Variants in STIM1 observed in about 807,000 individuals in gnomAD.
STIM1 encodes the protein stromal interaction molecule 1.
STIM1 carries 25 observed loss-of-function variants against 74.7 expected under a neutral mutation model. The observed-to-expected ratio is 0.33, with a 90% CI of 0.24 to 0.47. STIM1 has a LOEUF of 0.47. Among genes scored for constraint, STIM1 ranks in the 20% least tolerant of loss-of-function variants. STIM1 has a pLI of 1.00. For missense variants in STIM1, 728 were observed against 920.8 expected (o/e 0.79, Z 2.71); for synonymous variants, 328 against 348.8 (o/e 0.94, Z 0.66).
At chr11:4,005,332 C>G (rs574841186) in intron 2 of STIM1, among the ~76,000 whole-genome samples, 2 of 152,202 alleles carry the variant, frequency 1.3e-5, no homozygotes, top group East Asian at 3.9e-4. Context: ...TGGAACCAAC[C>G]CAAATGTCCA....
chr11:3,903,590 A>T (rs769525162), intron 1 of STIM1: 2 of 152,252 alleles, frequency 1.3e-5, no homozygotes, highest in Admixed American at 1.3e-4. Flanking sequence ...TGTACCAGGC[A>T]TAGGGGCCCC....
intron 1 of STIM1, among the ~76,000 whole-genome samples, chr11:3,950,993 A>G (rs2135665601): frequency 6.6e-6 from 1 of 152,298 alleles, no homozygotes; most frequent in Middle Eastern, 3.4e-3. Context: ...AGAAACTAGA[A>G]CAGAGACAGG....
intron 4 of STIM1, among the ~76,000 whole-genome samples, chr11:4,058,558 C>T (rs1248378126): frequency 1.3e-5 from 2 of 152,138 alleles, no homozygotes; most frequent in Admixed American, 1.3e-4. Flanking sequence ...CTTTTACCCC[C>T]CTCCTCTTAT....
At chr11:3,877,826 T>C (rs1489554206) in intron 1 of STIM1, among the ~76,000 whole-genome samples, 1 of 152,200 alleles carries the variant, frequency 6.6e-6, no homozygotes, top group African/African-American at 2.4e-5. Flanking sequence ...GCCCAGGACC[T>C]CTCCTTTTAT....
At chr11:3,944,790 A>G (rs910338894) in intron 1 of STIM1, among the ~76,000 whole-genome samples, 7 of 152,182 alleles carry the variant, frequency 4.6e-5, no homozygotes, top group Non-Finnish European at 1.0e-4. Context: ...ATGGTACCCT[A>G]ATCAGAGCAG....
At chr11:3,967,766 G>C (rs1236480361) in intron 2 of STIM1, 84 bp downstream of exon 2, 1 of 1,588,524 alleles carries the variant, frequency 6.3e-7, no homozygotes, top group Non-Finnish European at 8.6e-7. Flanking sequence ...CTCTTCCCTG[G>C]GGAGAGATGT....
intron 3 of STIM1, among the ~76,000 whole-genome samples, chr11:4,047,961 G>A (rs958412213): frequency 2.0e-5 from 3 of 152,136 alleles, no homozygotes; most frequent in African/African-American, 7.2e-5. Context: ...TGGAACTGAA[G>A]GTGCGTGCCA....
intron 1 of STIM1, among the ~76,000 whole-genome samples, chr11:3,864,944 C>T (rs1374651801): frequency 1.3e-5 from 2 of 151,990 alleles, no homozygotes; most frequent in African/African-American, 4.8e-5. Flanking sequence ...TTTTCCTTCT[C>T]CCCGGACTCC....
intron 2 of STIM1, among the ~76,000 whole-genome samples, chr11:3,980,618 A>C (rs1166005316): frequency 9.9e-5 from 15 of 151,974 alleles, no homozygotes; most frequent in Admixed American, 7.2e-4. Context: ...TTTAAAAAAA[A>C]AAAAAAAAAA....
chr11:3,988,001 G>A (rs1565137969), intron 2 of STIM1, among the ~76,000 whole-genome samples: 2 of 152,242 alleles, frequency 1.3e-5, no homozygotes, highest in Admixed American at 6.5e-5. Context: ...CTGCCCAAAG[G>A]TGAGTGTCAT....
intron 2 of STIM1, among the ~76,000 whole-genome samples, chr11:4,013,908 C>T (rs1465272229): frequency 2.0e-5 from 3 of 151,594 alleles, no homozygotes; most frequent in Non-Finnish European, 4.4e-5. Flanking sequence ...AGGGTTTCAC[C>T]GTGTTAGCCA....
intron 1 of STIM1, among the ~76,000 whole-genome samples, chr11:3,861,076 T>C (rs2090578662): frequency 6.6e-6 from 1 of 152,046 alleles, no homozygotes. Flanking sequence ...GTAGTCTGAC[T>C]TGGGGAGGTT....
intron 1 of STIM1, among the ~76,000 whole-genome samples, chr11:3,895,690 CTTT>C (rs1565104996): frequency 3.3e-5 from 1 of 29,886 alleles, no homozygotes; most frequent in African/African-American, 2.0e-4. Flanking sequence ...TTCCTTCTTT[CTTT>C]CTTTCTTTCT....
chr11:3,984,521 T>C (rs1295648884), intron 2 of STIM1, among the ~76,000 whole-genome samples: 5 of 152,210 alleles, frequency 3.3e-5, no homozygotes, highest in African/African-American at 7.2e-5. Flanking sequence ...TAAGTACTTA[T>C]AGGGTGGCTG....
intron 1 of STIM1, among the ~76,000 whole-genome samples, chr11:3,903,140 G>GT (rs1234691288): frequency 6.6e-6 from 1 of 152,116 alleles, no homozygotes; most frequent in African/African-American, 2.4e-5. Flanking sequence ...TTATTTTACT[G>GT]TTTTAAAGAT....
At chr11:3,941,528 G>A (rs1431208411) in intron 1 of STIM1, among the ~76,000 whole-genome samples, 3 of 151,860 alleles carry the variant, frequency 2.0e-5, no homozygotes, top group Non-Finnish European at 4.4e-5. Flanking sequence ...GTGAGTTCTG[G>A]TGAAAGGAAT....
Position 4,038,005 on chromosome 11 carries a change from G to A in STIM1, c.385+14018G>A, listed in dbSNP as rs181468050. Among the ~76,000 whole-genome samples the A allele has an allele frequency of 1.9e-3, 287 of 150,906 alleles. 4 individuals are homozygous for A. Among genetic ancestry groups the A allele is most frequent in the African/African-American group, 6.7e-3 (277 of 41,168 alleles). ...TGGTATTTTAGTGGTTGCTTTAGGA[G>A]ATAAAAGATATGTATCTTTAACTCA... On this transcript the variant is annotated intron_variant, in intron 3 of 12. Transcript: ENST00000526596.
At chr11:3,888,457 G>A (rs2091796301) in intron 1 of STIM1, among the ~76,000 whole-genome samples, 1 of 152,172 alleles carries the variant, frequency 6.6e-6, no homozygotes, top group Non-Finnish European at 1.5e-5. Context: ...TATAGGAAAT[G>A]TGAGGGTGGG....
At chr11:3,914,800 A>T (rs1565113634) in intron 1 of STIM1, among the ~76,000 whole-genome samples, 1 of 152,116 alleles carries the variant, frequency 6.6e-6, no homozygotes, top group Non-Finnish European at 1.5e-5. Flanking sequence ...TGGTAGCTTT[A>T]TGTTTAAGTT....
Sources: gnomAD v4.1 joint callset for allele counts (sites outside exome capture counted in the v4.1 genomes callset) on GRCh38, gnomAD v4.1.1 for gene constraint, MANE v1.5 for transcripts, NCBI Gene and HGNC (gene_info 2026-07-23, HGNC 2026-07-21) for gene names.